Variants in ZFAND3 observed in about 807,000 individuals in gnomAD.
ZFAND3 encodes zinc finger AN1-type containing 3.
A neutral mutation model predicts 29.6 loss-of-function variants in ZFAND3; 10 were observed. The ratio of observed to expected loss-of-function variants is 0.34; its 90% CI spans 0.21 to 0.57. ZFAND3 has a LOEUF of 0.57. Among genes scored for constraint, ZFAND3 ranks in the 20% least tolerant of loss-of-function variants. The pLI, the probability that ZFAND3 is intolerant of heterozygous loss-of-function variation, is 0.86. For synonymous variants in ZFAND3, 128 were observed against 112.6 expected (o/e 1.14, Z -0.87); for missense variants, 230 against 304.5 (o/e 0.76, Z 1.82).
At chr6:38,027,419 T>A (rs954213905) in intron 2 of ZFAND3, among the ~76,000 whole-genome samples, 1 of 152,234 alleles carries the variant, frequency 6.6e-6, no homozygotes. Context: ...TTTCTAAGGT[T>A]ACCTTTTCCT....
intron 2 of ZFAND3, among the ~76,000 whole-genome samples, chr6:37,984,531 T>C (rs539963547): frequency 1.1e-4 from 17 of 152,342 alleles, no homozygotes; most frequent in African/African-American, 4.1e-4. Context: ...CCTCTATAGT[T>C]GATGGTAGGA....
intron 1 of ZFAND3, among the ~76,000 whole-genome samples, chr6:37,838,577 C>A (rs530743435): frequency 2.0e-5 from 3 of 152,318 alleles, no homozygotes; most frequent in East Asian, 3.9e-4. Flanking sequence ...TGGAATCATA[C>A]CATATATGAC....
chr6:37,895,329 G>A (rs901811872), intron 1 of ZFAND3, among the ~76,000 whole-genome samples: 6 of 151,024 alleles, frequency 4.0e-5, no homozygotes, highest in African/African-American at 7.3e-5. Context: ...GTTCTATTAC[G>A]TTCTTTTTCT....
At chr6:38,071,268 G>T (rs1165019712) in intron 3 of ZFAND3, among the ~76,000 whole-genome samples, 1 of 151,834 alleles carries the variant, frequency 6.6e-6, no homozygotes, top group Non-Finnish European at 1.5e-5. Context: ...CCAGTTTTCT[G>T]TCTTTCTTAG....
rs532284649 is a variant in ZFAND3, at chr6:37,892,302, A to G, written c.72-37657A>G. Among the ~76,000 whole-genome samples the G allele has an allele frequency of 2.6e-5, 4 of 152,356 alleles. No homozygotes were observed. In the South Asian group the frequency reaches 8.3e-4, roughly 32 times the overall value. On this transcript the variant is annotated intron_variant, in intron 1 of 5. Transcript: ENST00000287218. ...ATGAAGACATAGCATGTGAAAATGT[A>G]TAGGATGAGCAGGGTGTGGTAGCAC...
intron 1 of ZFAND3, among the ~76,000 whole-genome samples, chr6:37,880,687 A>T (rs1561920751): frequency 6.7e-6 from 1 of 150,290 alleles, no homozygotes; most frequent in Non-Finnish European, 1.5e-5. Context: ...AATGGAAAGT[A>T]TTTTTTTTTT....
chr6:37,846,782 G>A (rs1412306139), intron 1 of ZFAND3, among the ~76,000 whole-genome samples: 3 of 151,566 alleles, frequency 2.0e-5, no homozygotes, highest in Non-Finnish European at 4.4e-5. Context: ...CGTGATCTCG[G>A]CTCACTGCAA....
rs916412209 is a variant in ZFAND3, at chr6:37,942,271, AT to A, written c.112+12281del. On this transcript the variant is annotated intron_variant, in intron 2 of 5. Coordinates refer to ENST00000287218, the MANE Select transcript of ZFAND3 (RefSeq NM_021943.3). ...CCATTATAAAAGATCATATATATAT[AT>A]TTTTTTTTCTTTGAAAAGAAGGGTA... Among the ~76,000 whole-genome samples the A allele has an allele frequency of 3.7e-3, 508 of 137,056 alleles. 4 individuals carry two copies. Among genetic ancestry groups the A allele is most frequent in the African/African-American group, 0.012 (457 of 38,456 alleles). The allele number at this position is 137,056 out of a possible 152,430, so 89.9% of individuals were successfully genotyped here.
At chr6:38,114,691 G>T (rs764580539) in intron 4 of ZFAND3, among the ~76,000 whole-genome samples, 5 of 152,090 alleles carry the variant, frequency 3.3e-5, no homozygotes, top group Non-Finnish European at 7.4e-5. Flanking sequence ...TGGGTGAAGT[G>T]CAGCATCTTC....
rs58542714 is a variant in ZFAND3, at chr6:38,047,973, G to GTTT, written c.113-13608_113-13606dup. ...AGACCTAGGTTTTTGGGTTTTTTTT[G>GTTT]TTTTTTTTTTTTTTACTTTTTGTGT... On this transcript the variant is annotated intron_variant, in intron 2 of 5. Coordinates refer to ENST00000287218, the MANE Select transcript of ZFAND3 (RefSeq NM_021943.3). 1.4e-3 allele frequency among the ~76,000 whole-genome samples: 187 copies of GTTT among 137,632 alleles called. 1 individual carries two copies. The East Asian group carries it at 0.021, about 16-fold the overall frequency. The allele number at this position is 137,632 out of a possible 152,430, so 90.3% of individuals were successfully genotyped here.
At chr6:37,824,124 A>G (rs1763717024) in intron 1 of ZFAND3, among the ~76,000 whole-genome samples, 1 of 152,222 alleles carries the variant, frequency 6.6e-6, no homozygotes, top group South Asian at 2.1e-4. Context: ...TTTTTCTTGG[A>G]GACATGGACT....
intron 1 of ZFAND3, among the ~76,000 whole-genome samples, chr6:37,896,572 C>CTTTCTT (rs58677123): frequency 1.9e-3 from 40 of 21,292 alleles, no homozygotes; most frequent in African/African-American, 4.7e-3. Flanking sequence ...CTTTCTTTCT[C>CTTTCTT]TCTTTCTCTC....
At chr6:37,885,651 AT>A (rs1325180639) in intron 1 of ZFAND3, among the ~76,000 whole-genome samples, 1 of 152,140 alleles carries the variant, frequency 6.6e-6, no homozygotes, top group Non-Finnish European at 1.5e-5. Flanking sequence ...CTCAAAATAA[AT>A]AAATAAAAAT....
At chr6:37,882,919 C>T (rs1182860248) in intron 1 of ZFAND3, among the ~76,000 whole-genome samples, 2 of 152,184 alleles carry the variant, frequency 1.3e-5, no homozygotes, top group Non-Finnish European at 2.9e-5. Context: ...CAGTGTATGG[C>T]TATATTTAAA....
chr6:38,085,287 A>AC (rs1283746272), intron 4 of ZFAND3, among the ~76,000 whole-genome samples: 1 of 152,216 alleles, frequency 6.6e-6, no homozygotes, highest in Non-Finnish European at 1.5e-5. Context: ...TAATTACTTT[A>AC]CAGTGGTGTC....
At chr6:37,850,373 G>C (rs1764259017) in intron 1 of ZFAND3, among the ~76,000 whole-genome samples, 1 of 152,168 alleles carries the variant, frequency 6.6e-6, no homozygotes, top group Non-Finnish European at 1.5e-5. Flanking sequence ...CTTTGTGCCA[G>C]AAATGACTCT....
Position 38,154,595 on chromosome 6 carries a change from GAAA to G in ZFAND3, c.*2214_*2216del. On this transcript the variant is annotated 3_prime_UTR_variant, in exon 6 of 6. Transcript: ENST00000287218. ...TAACTTTATTCTTTTTTCTCCTGCT[GAAA>G]AAAAAAATTAAACCAATCGTATGAA... 1 of 921,518 alleles carries G rather than the reference GAAA, an allele frequency of 1.1e-6. No homozygotes were observed. 57.1% of individuals were successfully genotyped at this position (921,518 alleles called of 1,614,324 possible).
intron 1 of ZFAND3, among the ~76,000 whole-genome samples, chr6:37,832,693 C>G (rs928090540): frequency 1.3e-5 from 2 of 152,020 alleles, no homozygotes; most frequent in Non-Finnish European, 2.9e-5. Flanking sequence ...CCTCTCTCCT[C>G]GACAGGGTCT....
At chr6:37,953,937 C>T (rs1425017615) in intron 2 of ZFAND3, among the ~76,000 whole-genome samples, 1 of 151,962 alleles carries the variant, frequency 6.6e-6, no homozygotes, top group African/African-American at 2.4e-5. Flanking sequence ...TAAATTCTTT[C>T]TTTTTTTCTA....
Sources: gnomAD v4.1 joint callset for allele counts (sites outside exome capture counted in the v4.1 genomes callset) on GRCh38, gnomAD v4.1.1 for gene constraint, MANE v1.5 for transcripts, NCBI Gene and HGNC (gene_info 2026-07-23, HGNC 2026-07-21) for gene names.